IMMP2L: variants seen among roughly 807,000 people sequenced by gnomAD.
IMMP2L encodes mitochondrial inner membrane protease subunit 2.
A neutral mutation model predicts 19.3 loss-of-function variants in IMMP2L; 18 were observed. The ratio of observed to expected loss-of-function variants is 0.93; its 90% CI spans 0.64 to 1.38. The LOEUF (loss-of-function observed/expected upper bound fraction) is 1.38, where lower values mean the gene tolerates loss of function less well. Ranked by LOEUF, IMMP2L falls within the 40% of genes most tolerant of loss-of-function variation. The pLI, the probability that IMMP2L is intolerant of heterozygous loss-of-function variation, is 0.00. For synonymous variants in IMMP2L, 76 were observed against 73.0 expected, an observed-to-expected ratio of 1.04 and a Z score of -0.21; for missense variants, 233 against 218.2, an observed-to-expected ratio of 1.07 and a Z score of -0.43.
At chr7:110,875,492 A>T (rs540270684) in intron 5 of IMMP2L, among the ~76,000 whole-genome samples, 1 of 152,270 alleles carries the variant, frequency 6.6e-6, no homozygotes. Flanking sequence ...GAGTCTACAT[A>T]ATTCCATAAT....
At chr7:110,694,952 G>C (rs949539685) in intron 5 of IMMP2L, among the ~76,000 whole-genome samples, 3 of 152,100 alleles carry the variant, frequency 2.0e-5, no homozygotes, top group Non-Finnish European at 4.4e-5. Context: ...AAGTGAAAGA[G>C]CTGGACACAA....
chr7:110,886,172 C>A (rs1810200294), intron 5 of IMMP2L, among the ~76,000 whole-genome samples: 1 of 151,938 alleles, frequency 6.6e-6, no homozygotes, highest in Non-Finnish European at 1.5e-5. Flanking sequence ...GTACATTTAC[C>A]AATATGATTT....
chr7:110,705,726 C>T (rs1432810937), intron 5 of IMMP2L, among the ~76,000 whole-genome samples: 1 of 151,840 alleles, frequency 6.6e-6, no homozygotes, highest in African/African-American at 2.4e-5. Flanking sequence ...AGTTTTTCAA[C>T]CCTTCCTTCC....
At chr7:111,149,966 C>T (rs1015473815) in intron 3 of IMMP2L, among the ~76,000 whole-genome samples, 2 of 152,248 alleles carry the variant, frequency 1.3e-5, no homozygotes, top group African/African-American at 4.8e-5. Context: ...TGACAGTTCA[C>T]CAACAAATTT....
intron 3 of IMMP2L, among the ~76,000 whole-genome samples, chr7:110,965,672 ATGTCT>A: frequency 6.6e-6 from 1 of 151,974 alleles, no homozygotes; most frequent in East Asian, 1.9e-4. Flanking sequence ...TGCCCCTCCC[ATGTCT>A]CCTATTTTAA....
At chr7:110,885,563 T>C (rs1013231191) in intron 5 of IMMP2L, among the ~76,000 whole-genome samples, 1 of 151,964 alleles carries the variant, frequency 6.6e-6, no homozygotes, top group African/African-American at 2.4e-5. Context: ...AAAATACCAG[T>C]TTAGTCTCAA....
intron 5 of IMMP2L, among the ~76,000 whole-genome samples, chr7:110,801,938 T>C (rs1365849991): frequency 1.3e-5 from 2 of 152,238 alleles, no homozygotes; most frequent in East Asian, 1.9e-4. Flanking sequence ...CTCACAGTTT[T>C]AGGATCCTCC....
At chr7:111,135,130 A>T (rs1802210914) in intron 3 of IMMP2L, among the ~76,000 whole-genome samples, 1 of 152,150 alleles carries the variant, frequency 6.6e-6, no homozygotes, top group African/African-American at 2.4e-5. Context: ...ATTCTGGAAA[A>T]AAATGAATCC....
intron 3 of IMMP2L, among the ~76,000 whole-genome samples, chr7:111,441,582 C>T (rs369664829): frequency 6.6e-6 from 1 of 151,484 alleles, no homozygotes; most frequent in African/African-American, 2.4e-5. Context: ...ATAATCATAG[C>T]AGATATAATA....
chr7:111,487,187 T>C, intron 3 of IMMP2L, 51 bp downstream of exon 3: 1 of 808,452 alleles, frequency 1.2e-6, no homozygotes, highest in Non-Finnish European at 2.1e-6. Flanking sequence ...TAAATCAGCA[T>C]AAGTATAAAT....
intron 1 of IMMP2L, among the ~76,000 whole-genome samples, chr7:111,547,361 A>C (rs1313514801): frequency 6.6e-6 from 1 of 152,142 alleles, no homozygotes; most frequent in East Asian, 1.9e-4. Context: ...ACCATGTTAA[A>C]GATGAGACCT....
intron 3 of IMMP2L, among the ~76,000 whole-genome samples, chr7:111,028,941 A>G (rs190722778): frequency 2.5e-3 from 387 of 152,300 alleles, no homozygotes; most frequent in Non-Finnish European, 3.9e-3. Context: ...TTTTAAGAAA[A>G]TCAGAAATAC....
intron 3 of IMMP2L, chr7:111,122,434 C>A (rs2129589014): frequency 5.1e-6 from 1 of 194,830 alleles, no homozygotes; most frequent in East Asian, 1.3e-4. Flanking sequence ...GCTATTCCTG[C>A]AAATACTGAA....
chr7:111,145,738 A>T (rs1274381852), intron 3 of IMMP2L, among the ~76,000 whole-genome samples: 1 of 152,144 alleles, frequency 6.6e-6, no homozygotes, highest in East Asian at 1.9e-4. Context: ...TATTAGAATC[A>T]TGAGCCACTT....
chr7:110,987,338 C>T (rs1424645970), intron 3 of IMMP2L, among the ~76,000 whole-genome samples: 1 of 152,124 alleles, frequency 6.6e-6, no homozygotes, highest in Non-Finnish European at 1.5e-5. Flanking sequence ...GCACTGCATT[C>T]CACTCAGTAA....
intron 4 of IMMP2L, among the ~76,000 whole-genome samples, chr7:110,956,441 C>A (rs2129554761): frequency 6.6e-6 from 1 of 152,106 alleles, no homozygotes; most frequent in East Asian, 1.9e-4. Context: ...TCTCTGAATA[C>A]TTCTTGGAAT....
intron 5 of IMMP2L, among the ~76,000 whole-genome samples, chr7:110,718,632 G>A (rs1173233104): frequency 2.0e-5 from 3 of 152,184 alleles, no homozygotes; most frequent in African/African-American, 7.2e-5. Context: ...AATCGTTTAA[G>A]TTGGTGGAGA....
chr7:111,453,917 A>G (rs1423133329), intron 3 of IMMP2L, among the ~76,000 whole-genome samples: 2 of 152,196 alleles, frequency 1.3e-5, no homozygotes, highest in Admixed American at 1.3e-4. Context: ...TGGGAAGTTT[A>G]GCCAAATTAA....
At chr7:111,493,216 G>T (rs1255450750) in intron 2 of IMMP2L, among the ~76,000 whole-genome samples, 1 of 152,002 alleles carries the variant, frequency 6.6e-6, no homozygotes, top group South Asian at 2.1e-4. Flanking sequence ...TAGTTGAATA[G>T]GGCTTTGTTA....
Sources: allele counts gnomAD v4.1 joint callset (sites outside exome capture counted in the v4.1 genomes callset), GRCh38; gene constraint gnomAD v4.1.1; transcripts MANE v1.5; gene names NCBI Gene and HGNC (gene_info 2026-07-23, HGNC 2026-07-21).